The following PRKCQ variants were observed in gnomAD, a reference collection of about 807,000 sequenced individuals.
PRKCQ encodes the protein protein kinase C theta type.
PRKCQ carries 41 observed loss-of-function variants against 91.2 expected under a neutral mutation model. The ratio of observed to expected loss-of-function variants is 0.45; its 90% CI spans 0.35 to 0.58. The LOEUF is 0.58. Ranked by LOEUF, PRKCQ falls within the 20% of genes least tolerant of loss-of-function variation. The pLI, the probability that PRKCQ is intolerant of heterozygous loss-of-function variation, is 0.00. For synonymous variants in PRKCQ, 307 were observed against 316.9 expected, an observed-to-expected ratio of 0.97 and a Z score of 0.33; for missense variants, 673 against 896.5, an observed-to-expected ratio of 0.75 and a Z score of 3.18.
chr10:6,414,936 G>A, the PRKCQ span, among the ~76,000 whole-genome samples: 1 of 152,016 alleles, frequency 6.6e-6, no homozygotes, highest in South Asian at 2.1e-4. Flanking sequence ...AACTTTCCAA[G>A]TATGATGAAG....
the PRKCQ span, among the ~76,000 whole-genome samples, chr10:6,394,117 C>T: frequency 2.0e-5 from 3 of 152,184 alleles, no homozygotes; most frequent in African/African-American, 7.2e-5. Context: ...CTGCTACTGC[C>T]ATTTATGTAT....
At chr10:6,488,823 A>G (rs964762140) in intron 8 of PRKCQ, among the ~76,000 whole-genome samples, 1 of 152,212 alleles carries the variant, frequency 6.6e-6, no homozygotes, top group Non-Finnish European at 1.5e-5. Flanking sequence ...TCTGTTGCCC[A>G]GGCTGGAGTG....
chr10:6,566,911 G>A (rs953250630), intron 1 of PRKCQ, among the ~76,000 whole-genome samples: 4 of 152,038 alleles, frequency 2.6e-5, no homozygotes, highest in African/African-American at 9.7e-5. Flanking sequence ...TTAATGATTA[G>A]GGCCTAAAAT....
At chr10:6,412,930 G>C in the PRKCQ span, among the ~76,000 whole-genome samples, 104 of 151,252 alleles carry the variant, frequency 6.9e-4, no homozygotes, top group African/African-American at 2.4e-3. Context: ...CTAGTTTTCT[G>C]TACAAACATT....
chr10:6,552,066 G>C (rs1435242176), intron 1 of PRKCQ, among the ~76,000 whole-genome samples: 1 of 152,138 alleles, frequency 6.6e-6, no homozygotes, highest in Non-Finnish European at 1.5e-5. Flanking sequence ...TTTCTCTAAT[G>C]ATCACTGATA....
chr10:6,543,387 A>C (rs1198169927), intron 1 of PRKCQ, among the ~76,000 whole-genome samples: 1 of 152,218 alleles, frequency 6.6e-6, no homozygotes, highest in African/African-American at 2.4e-5. Flanking sequence ...AAACAAAAAC[A>C]AAAACAAAAG....
intron 16 of PRKCQ, among the ~76,000 whole-genome samples, chr10:6,441,459 T>G (rs1219482370): frequency 8.9e-5 from 6 of 67,264 alleles, no homozygotes; most frequent in Non-Finnish European, 1.6e-4. Flanking sequence ...CCATTTTGTT[T>G]CTTTTTTTTT....
downstream of PRKCQ, among the ~76,000 whole-genome samples, chr10:6,422,803 G>A (rs1456630795): frequency 6.6e-6 from 1 of 152,142 alleles, no homozygotes; most frequent in African/African-American, 2.4e-5. Flanking sequence ...CAGAAGCTGG[G>A]GGCAGAAAAC....
chr10:6,519,177 G>A (rs940440613), intron 1 of PRKCQ, among the ~76,000 whole-genome samples: 3 of 152,170 alleles, frequency 2.0e-5, no homozygotes, highest in African/African-American at 7.2e-5. Flanking sequence ...GATAGTAGGG[G>A]GAAGGGGATT....
chr10:6,478,772 C>T (rs1203182064), intron 12 of PRKCQ, among the ~76,000 whole-genome samples: 1 of 152,146 alleles, frequency 6.6e-6, no homozygotes, highest in Non-Finnish European at 1.5e-5. Flanking sequence ...AACAGACAAA[C>T]AAATCTAGAA....
intron 12 of PRKCQ, among the ~76,000 whole-genome samples, chr10:6,471,799 A>C (rs1347187625): frequency 2.0e-5 from 3 of 152,024 alleles, no homozygotes; most frequent in Non-Finnish European, 4.4e-5. Flanking sequence ...CAAAAAACAA[A>C]AGAGGGATAG....
the PRKCQ span, among the ~76,000 whole-genome samples, chr10:6,395,719 C>T: frequency 1.3e-5 from 2 of 152,102 alleles, no homozygotes; most frequent in African/African-American, 4.8e-5. Context: ...TAGCTCAGCC[C>T]AGGAATAAAC....
At chr10:6,400,105 G>A in the PRKCQ span, among the ~76,000 whole-genome samples, 1 of 152,246 alleles carries the variant, frequency 6.6e-6, no homozygotes, top group Non-Finnish European at 1.5e-5. Flanking sequence ...GATTGCCCAA[G>A]TTAGAATGGG....
chr10:6,446,000 G>T (rs550653289), intron 15 of PRKCQ, among the ~76,000 whole-genome samples: 2 of 152,318 alleles, frequency 1.3e-5, no homozygotes, highest in East Asian at 3.9e-4. Flanking sequence ...AGGCTTCAAA[G>T]CTTGGCGATG....
the PRKCQ span, among the ~76,000 whole-genome samples, chr10:6,402,765 C>T: frequency 6.6e-6 from 1 of 152,116 alleles, no homozygotes; most frequent in African/African-American, 2.4e-5. Context: ...CAAAAATTAG[C>T]CAAGTGTGGT....
At chr10:6,552,493 T>C (rs1310861668) in intron 1 of PRKCQ, among the ~76,000 whole-genome samples, 1 of 147,900 alleles carries the variant, frequency 6.8e-6, no homozygotes, top group African/African-American at 2.5e-5. Context: ...CTAGACAGAG[T>C]CTTGCTCTGT....
chr10:6,562,131 G>C (rs1337151339), intron 1 of PRKCQ, among the ~76,000 whole-genome samples: 1 of 152,160 alleles, frequency 6.6e-6, no homozygotes, highest in Non-Finnish European at 1.5e-5. Context: ...GATTGAGGTG[G>C]ACGCTCGTGG....
chr10:6,492,401 GCAT>G (rs1463763795), intron 7 of PRKCQ, among the ~76,000 whole-genome samples: 136 of 152,240 alleles, frequency 8.9e-4, no homozygotes, highest in Non-Finnish European at 3.2e-4. Context: ...TATGTCACAC[GCAT>G]CATCTATTAC....
At chr10:6,422,194 A>G (rs667899), downstream of PRKCQ, among the ~76,000 whole-genome samples, 108,242 of 152,074 alleles carry the variant, frequency 0.71, 40,011 homozygotes, top group East Asian at 0.97. Context: ...GTTAGTGGGT[A>G]CCTATTCCAC....
Sources: allele counts gnomAD v4.1 joint callset (sites outside exome capture counted in the v4.1 genomes callset), GRCh38; gene constraint gnomAD v4.1.1; transcripts MANE v1.5; gene names NCBI Gene and HGNC (gene_info 2026-07-23, HGNC 2026-07-21).